Variants in PHYH observed in about 807,000 individuals in gnomAD.
PHYH encodes the protein phytanoyl-CoA dioxygenase, peroxisomal.
Under a neutral mutation model 38.5 loss-of-function variants are expected in PHYH, and 32 were observed. That is an observed-to-expected ratio of 0.83 (90% confidence interval 0.63 to 1.12). The LOEUF (loss-of-function observed/expected upper bound fraction) is 1.12, where lower values mean the gene tolerates loss of function less well. Ranked by LOEUF, PHYH falls within the 50% of genes most tolerant of loss-of-function variation. PHYH has a pLI of 0.00. For missense variants in PHYH, 426 were observed against 434.8 expected, an observed-to-expected ratio of 0.98 and a Z score of 0.18; for synonymous variants, 166 against 157.9, an observed-to-expected ratio of 1.05 and a Z score of -0.38.
chr10:13,294,319 G>C, intron 4 of PHYH, 109 bp downstream of exon 4: 1 of 967,312 alleles, frequency 1.0e-6, no homozygotes, highest in South Asian at 1.3e-5. Flanking sequence ...GCCTCCCACA[G>C]TGCTCGGATT....
chr10:13,286,947 T>C (rs1227662482), intron 6 of PHYH, among the ~76,000 whole-genome samples: 1 of 152,190 alleles, frequency 6.6e-6, no homozygotes, highest in African/African-American at 2.4e-5. Flanking sequence ...GGTATGTGTG[T>C]GTGGAAAATG....
At chr10:13,284,616 G>A (rs615788) in intron 6 of PHYH, among the ~76,000 whole-genome samples, 49,110 of 152,022 alleles carry the variant, frequency 0.32, 8,035 homozygotes, top group South Asian at 0.42. Context: ...CCAAAATAGG[G>A]GGGAGAAAAT....
chr10:13,289,240 G>A (rs1209876251), intron 5 of PHYH, among the ~76,000 whole-genome samples: 1 of 152,156 alleles, frequency 6.6e-6, no homozygotes, highest in Non-Finnish European at 1.5e-5. Context: ...CTGCTGCCCA[G>A]GCTGGAGTGC....
chr10:13,295,211 C>T (rs963911984), intron 3 of PHYH: 19 of 403,002 alleles, frequency 4.7e-5, no homozygotes, highest in Middle Eastern at 7.2e-4. Context: ...CAACTGTGGT[C>T]CCAGCTACTC....
intron 6 of PHYH, among the ~76,000 whole-genome samples, chr10:13,286,212 C>A (rs1055286351): frequency 5.3e-5 from 8 of 152,288 alleles, no homozygotes; most frequent in African/African-American, 1.9e-4. Context: ...TAATAGTCAT[C>A]TCTCTGGTTT....
chr10:13,283,131 ATTTTTT>A (rs398012850), intron 7 of PHYH, among the ~76,000 whole-genome samples: 1 of 117,926 alleles, frequency 8.5e-6, no homozygotes, highest in Non-Finnish European at 1.6e-5. Context: ...TTCATAATCA[ATTTTTT>A]TTTTTTTTTT....
chr10:13,299,929 G>A, intron 1 of PHYH, 39 bp downstream of exon 1: 1 of 1,494,546 alleles, frequency 6.7e-7, no homozygotes, highest in Admixed American at 2.2e-5. Flanking sequence ...CGGCGCCGGC[G>A]CCGGATCCAG....
intron 1 of PHYH, 73 bp downstream of exon 1, chr10:13,299,895 G>C: frequency 6.8e-7 from 1 of 1,468,084 alleles, no homozygotes; most frequent in Non-Finnish European, 9.0e-7. Context: ...GCCTCCACCC[G>C]GACCAGGGCC....
At chr10:13,295,757 G>T in intron 2 of PHYH, 151 bp from the exon 3 acceptor site, 1 of 612,342 alleles carries the variant, frequency 1.6e-6, no homozygotes, top group South Asian at 1.9e-5. Flanking sequence ...GCAACATGAT[G>T]AAACCCTGTC....
intron 7 of PHYH, among the ~76,000 whole-genome samples, chr10:13,282,597 AAAAAAAAAAAG>A (rs1017788210): frequency 2.0e-5 from 3 of 146,598 alleles, no homozygotes; most frequent in Non-Finnish European, 3.0e-5. Flanking sequence ...ACCTCAAAAA[AAAAAAAAAAAG>A]AAAAAAGGAA....
At chr10:13,290,942 C>A (rs934169931) in intron 5 of PHYH, among the ~76,000 whole-genome samples, 1 of 151,884 alleles carries the variant, frequency 6.6e-6, no homozygotes, top group East Asian at 1.9e-4. Flanking sequence ...ACTAAAAGTA[C>A]AAAAATTAGC....
intron 2 of PHYH, among the ~76,000 whole-genome samples, chr10:13,296,548 G>GC (rs1835856937): frequency 7.3e-6 from 1 of 137,754 alleles, no homozygotes; most frequent in Admixed American, 7.7e-5. Context: ...GGGTGACAGA[G>GC]CAAGGCTCCA....
chr10:13,298,704 A>C (rs1435494302), intron 1 of PHYH, among the ~76,000 whole-genome samples: 1 of 147,594 alleles, frequency 6.8e-6, no homozygotes, highest in Non-Finnish European at 1.5e-5. Context: ...CCATCTCAGA[A>C]AAAAAACTAC....
chr10:13,282,973 A>G (rs1835449727), intron 7 of PHYH, among the ~76,000 whole-genome samples: 1 of 146,194 alleles, frequency 6.8e-6, no homozygotes, highest in African/African-American at 2.6e-5. Flanking sequence ...CCATGGCCTC[A>G]GGAGACAACA....
intron 5 of PHYH, chr10:13,291,523 C>T (rs938281204): frequency 7.7e-6 from 3 of 387,522 alleles, no homozygotes; most frequent in South Asian, 2.8e-5. Context: ...CACTGTGTCA[C>T]GCAGGCTGGA....
At chr10:13,296,714 C>G (rs879370172) in intron 2 of PHYH, among the ~76,000 whole-genome samples, 57 of 150,944 alleles carry the variant, frequency 3.8e-4, no homozygotes, top group Non-Finnish European at 7.4e-4. Context: ...GTAATCCTAG[C>G]TTTGGGAGGC....
intron 1 of PHYH, among the ~76,000 whole-genome samples, chr10:13,299,136 A>AG (rs1554785711): frequency 6.6e-6 from 1 of 150,498 alleles, no homozygotes; most frequent in African/African-American, 2.4e-5. Flanking sequence ...TTTCAAAAAA[A>AG]AAAAAAAACC....
intron 1 of PHYH, chr10:13,299,535 T>C: frequency 3.0e-6 from 3 of 1,008,764 alleles, no homozygotes; most frequent in Non-Finnish European, 3.6e-6. Flanking sequence ...GAGGGCACCG[T>C]CCTCTCCCCT....
chr10:13,298,755 A>G (rs1392960086), intron 1 of PHYH, among the ~76,000 whole-genome samples: 2 of 100,678 alleles, frequency 2.0e-5, no homozygotes, highest in East Asian at 3.4e-4. Flanking sequence ...TACTACTACT[A>G]CTACTACTGC....
Sources: gnomAD v4.1 joint callset for allele counts (sites outside exome capture counted in the v4.1 genomes callset) on GRCh38, gnomAD v4.1.1 for gene constraint, MANE v1.5 for transcripts, NCBI Gene and HGNC (gene_info 2026-07-23, HGNC 2026-07-21) for gene names.